The following PHLDB1 variants were observed in gnomAD, a reference collection of about 807,000 sequenced individuals.
PHLDB1 encodes pleckstrin homology-like domain family B member 1.
In PHLDB1, 65 loss-of-function variants were observed where a neutral mutation model predicts 139.3. That is an observed-to-expected ratio of 0.47 (90% confidence interval 0.38 to 0.57). PHLDB1 has a LOEUF of 0.57. Among genes scored for constraint, PHLDB1 ranks in the 20% least tolerant of loss-of-function variants. PHLDB1 has a pLI of 0.00. For missense variants in PHLDB1, 1,624 were observed against 1,839.7 expected, an observed-to-expected ratio of 0.88 and a Z score of 2.14; for synonymous variants, 679 against 734.5, an observed-to-expected ratio of 0.92 and a Z score of 1.22.
At chr11:118,630,028 G>GTTTTTTTT in intron 6 of PHLDB1, 1 of 1,197,150 alleles carries the variant, frequency 8.4e-7, no homozygotes, top group South Asian at 1.3e-5. Context: ...CTCTGTTCCG[G>GTTTTTTTT]TTTTTTTTTT....
chr11:118,647,841 A>C, intron 17 of PHLDB1, 89 bp from the exon 18 acceptor site: 1 of 1,397,470 alleles, frequency 7.2e-7, no homozygotes, highest in Non-Finnish European at 9.7e-7. Flanking sequence ...CCTGAGGTGG[A>C]TTCCTCCTGC....
intron 22 of PHLDB1, 124 bp downstream of exon 22, chr11:118,656,016 G>A: frequency 1.3e-6 from 1 of 757,262 alleles, no homozygotes; most frequent in Non-Finnish European, 2.3e-6. Flanking sequence ...GCAGAAAGCA[G>A]GTTGCAAAGA....
Position 118,623,917 on chromosome 11 carries a change from T to TGTGTGTGTGA in PHLDB1, c.356-1016_356-1015insTGTGTGTGAG, listed in dbSNP as rs57599971. ...GTGTGTGTGTGTGTGTGTGTGTGTG[T>TGTGTGTGTGA]GAGACGGAGTTTCGCTCTGTTGCCC... is the stretch of plus-strand genomic sequence containing the variant. On this transcript the variant is annotated intron_variant, in intron 4 of 22. Coordinates refer to ENST00000600882, the MANE Select transcript of PHLDB1 (RefSeq NM_001144758.3). Among the ~76,000 whole-genome samples the TGTGTGTGTGA allele has an allele frequency of 1.5e-4, 22 of 144,398 alleles. No individual in the cohort carries two copies. In the East Asian group the frequency reaches 1.6e-3, roughly 11 times the overall value. The allele number at this position is 144,398 out of a possible 152,430, so 94.7% of individuals were successfully genotyped here. A position where few individuals can be genotyped will look rare whatever the true frequency, so the allele number is the denominator to read the frequency against.
At chr11:118,648,171 C>T in intron 18 of PHLDB1, 95 bp downstream of exon 18, 1 of 1,238,840 alleles carries the variant, frequency 8.1e-7, no homozygotes, top group African/African-American at 1.5e-5. Flanking sequence ...GGCTGTAAAA[C>T]CTGTTCTACT....
chr11:118,653,489 T>G (rs1162190842), intron 20 of PHLDB1: 1 of 152,196 alleles, frequency 6.6e-6, no homozygotes, highest in Non-Finnish European at 1.5e-5. Flanking sequence ...AGTGCCACGT[T>G]ATGTGCCACA....
chr11:118,650,205 G>T lies in PHLDB1; in HGVS notation c.3771+12G>T, dbSNP rs782548005. On this transcript the variant is annotated intron_variant, in intron 19 of 22. Transcript: ENST00000600882. This position sits in a 1 kb window ranked among gnomAD's most constrained non-coding sequence, Gnocchi z 4.7. ...TGCTCAGCAGCAAGGTACAAGGCGT[G>T]TGTGGCCCTGGGGTGCTGGGGAGAG... 13 of 1,591,186 alleles carry T rather than the reference G, an allele frequency of 8.2e-6. No homozygotes were observed. In the East Asian group the frequency reaches 2.5e-4, roughly 30 times the overall value.
At chr11:118,655,956 C>T in intron 22 of PHLDB1, 64 bp downstream of exon 22, 1 of 1,167,268 alleles carries the variant, frequency 8.6e-7, no homozygotes, top group Non-Finnish European at 1.3e-6. Context: ...TCATCCCTGA[C>T]CCTTGACCTC....
chr11:118,627,529 C>G lies in PHLDB1; in HGVS notation c.706C>G (p.Pro236Ala). 1 of 1,614,216 alleles carries G rather than the reference C, an allele frequency of 6.2e-7. No homozygotes were observed. Among genetic ancestry groups the G allele is most frequent in the Non-Finnish European group, 8.5e-7 (1 of 1,180,024 alleles). The change falls in exon 6 of 23, where the codon CCA becomes GCA. Residue 236 changes from proline to alanine, a missense_variant. By Grantham distance (27) the Pro-to-Ala change is conservative (BLOSUM62 -1). Transcript: ENST00000600882. The part of the protein sequence containing the change: ...ANGGRYLLSP[P>A]TSPGAMSVGS... ...TGGTGGGCGCTACCTGCTGTCTCCCCCAACCAGCCCCGGCGCCATGTCTGT... is the reference window on the plus strand; with the variant it reads ...TGGTGGGCGCTACCTGCTGTCTCCCGCAACCAGCCCCGGCGCCATGTCTGT...
At position 118,628,530 on chromosome 11, in the gene PHLDB1, G is replaced by A. The variant is rs1565436743; in HGVS notation, c.1707G>A (p.Val569=). The change falls in exon 6 of 23, where the codon GTG becomes GTA. Residue 569 remains valine, a synonymous_variant. Transcript: ENST00000600882. The part of the protein sequence containing the change: ...QRKLSSGDLR[V]PVTRERKNSI... ...AGCTCTCCAGCGGGGACTTGCGGGT[G>A]CCTGTCACAAGGGAGCGGAAAAATA... The A allele has an allele frequency of 6.2e-7, 1 of 1,613,242 alleles. No homozygotes were observed.
At chr11:118,654,713 C>CTTTTTTTTTTTTTTTT (rs5795131) in intron 20 of PHLDB1, 1 of 83,534 alleles carries the variant, frequency 1.2e-5, no homozygotes, top group African/African-American at 4.8e-5. Context: ...CTTTCTTTCT[C>CTTTTTTTTTTTTTTTT]TTTTTTTTTT....
chr11:118,648,001 G>T lies in PHLDB1; in HGVS notation c.3579G>T (p.Arg1193Ser), dbSNP rs1555131250. 4.3e-6 allele frequency: 7 copies of T among 1,610,398 alleles called. No homozygotes were observed. The highest frequency in any genetic ancestry group is 5.9e-6 in the Non-Finnish European group (7 of 1,178,166). ...ERRRREQVER[R>S]LQSESARRQQ... Reference sequence around the variant, plus strand: ...GGAGGCGTGAGCAGGTAGAACGGAGGCTGCAGAGTGAGAGTGCCCGGAGGC... The same window carrying T: ...GGAGGCGTGAGCAGGTAGAACGGAGTCTGCAGAGTGAGAGTGCCCGGAGGC... The change falls in exon 18 of 23, where the codon AGG becomes AGT. Residue 1193 changes from arginine (R) to serine (S), a missense_variant. Physicochemically the swap from Arg to Ser is moderately radical, Grantham distance 110. Coordinates refer to ENST00000600882, the MANE Select transcript of PHLDB1 (RefSeq NM_001144758.3).
chr11:118,614,713 C>G (rs782450583), intron 3 of PHLDB1, 31 bp downstream of exon 3: 1 of 1,608,998 alleles, frequency 6.2e-7, no homozygotes, highest in South Asian at 1.1e-5. Context: ...TCACTCACCA[C>G]CCCTCTATCC....
In PHLDB1 at chr11:118,608,114, C is replaced by T. The variant is rs1199826736; in HGVS notation, c.-22+415C>T. On this transcript the variant is annotated intron_variant, in intron 1 of 22. Transcript: ENST00000600882. This position sits in a 1 kb window ranked among gnomAD's most constrained non-coding sequence, Gnocchi z 6.7. ...CCCCACACCTCCCCCTCTCCGCCCA[C>T]AGCAGGACCTTGGGGCGGGGGTATC... Among the ~76,000 whole-genome samples, 1 of 152,106 alleles carries T rather than the reference C, an allele frequency of 6.6e-6. No homozygotes were observed. Among genetic ancestry groups the T allele is most frequent in the Non-Finnish European group, 1.5e-5 (1 of 67,990 alleles).
Position 118,631,925 on chromosome 11 carries a change from C to G in PHLDB1, c.2113C>G (p.Pro705Ala). 6.2e-7 allele frequency: 1 copy of G among 1,612,706 alleles called. No individual in the cohort carries two copies. The highest frequency in any genetic ancestry group is 8.5e-7 in the Non-Finnish European group (1 of 1,179,410). ...CCCTCCCCTCCAGCACGAAGATGCACCTAGCACCAAGCTCCAGGGAGAGGT... is the reference window on the plus strand; with the variant it reads ...CCCTCCCCTCCAGCACGAAGATGCAGCTAGCACCAAGCTCCAGGGAGAGGT... ...ESTQQEHEDA[P>A]STKLQGEVLA... Residue 705 changes from proline (P) to alanine (A), a missense_variant, in exon 8 of 23, where the codon CCT (proline) becomes GCT (alanine). Physicochemically the swap from Pro to Ala is conservative, Grantham distance 27 (BLOSUM62 -1). Transcript: ENST00000600882.
chr11:118,644,187 C>T lies in PHLDB1; in HGVS notation c.3121+13C>T. On this transcript the variant is annotated intron_variant, in intron 15 of 22. Coordinates refer to ENST00000600882, the MANE Select transcript of PHLDB1 (RefSeq NM_001144758.3). ...CTGCAGCAGAAGGGTGAGTGACTGC[C>T]CCGCCAGCCCACCTGCTCTCCTGAG... 2 of 1,585,988 alleles carry T rather than the reference C, an allele frequency of 1.3e-6. No homozygotes were observed. Among genetic ancestry groups the T allele is most frequent in the Non-Finnish European group, 1.7e-6 (2 of 1,160,444 alleles).
At chr11:118,618,648 T>A (rs1481589323) in intron 4 of PHLDB1, among the ~76,000 whole-genome samples, 21 of 152,012 alleles carry the variant, frequency 1.4e-4, no homozygotes, top group Admixed American at 1.4e-3. Context: ...TATGTGTATA[T>A]GAGACCCCAC....
At chr11:118,623,695 C>G (rs1019067309) in intron 4 of PHLDB1, among the ~76,000 whole-genome samples, 1 of 152,066 alleles carries the variant, frequency 6.6e-6, no homozygotes, top group Admixed American at 6.6e-5. Context: ...AGGACCCCCC[C>G]GGTTCATCTG....
At position 118,614,019 on chromosome 11, in the gene PHLDB1, A is replaced by C. The variant is rs1168558946; in HGVS notation, c.60+123A>C. 4.5e-6 allele frequency: 3 copies of C among 664,620 alleles called. No individual in the cohort carries two copies. In the African/African-American group the frequency reaches 5.4e-5, roughly 12 times the overall value. 41.2% of individuals were successfully genotyped at this position (664,620 alleles called of 1,614,324 possible). ...ATTCTGTTCCTCTCTGCCCTTCCCC[A>C]GGTCCCAAGCCTATTAACAGCTCAG... is the stretch of plus-strand genomic sequence containing the variant. On this transcript the variant is annotated intron_variant, in intron 2 of 22. Transcript: ENST00000600882.
At chr11:118,644,235 C>A in intron 15 of PHLDB1, 61 bp downstream of exon 15, 1 of 1,124,520 alleles carries the variant, frequency 8.9e-7, no homozygotes, top group Non-Finnish European at 1.3e-6. Flanking sequence ...AGTTGCCATG[C>A]CTCCTCTATG....
Sources: gnomAD v4.1 joint callset for allele counts (sites outside exome capture counted in the v4.1 genomes callset) on GRCh38, gnomAD v4.1.1 for gene constraint, Gnocchi (gnomAD v3.1) non-coding constraint, MANE v1.5 for transcripts, NCBI Gene and HGNC (gene_info 2026-07-23, HGNC 2026-07-21) for gene names.